SLCO3A1: variants seen among roughly 807,000 people sequenced by gnomAD.
SLCO3A1 encodes the protein solute carrier organic anion transporter family member 3A1, also known as PGE1 transporter.
Under a neutral mutation model 63.1 loss-of-function variants are expected in SLCO3A1, and 27 were observed. The ratio of observed to expected loss-of-function variants is 0.43; its 90% CI spans 0.32 to 0.59. The LOEUF (loss-of-function observed/expected upper bound fraction) is 0.59, where lower values mean the gene tolerates loss of function less well. Among genes scored for constraint, SLCO3A1 ranks in the 20% least tolerant of loss-of-function variants. The probability of loss-of-function intolerance (pLI) is 0.09; values close to 1 mark genes in which losing one functional copy is unlikely to be tolerated. For missense variants in SLCO3A1, 773 were observed against 945.8 expected (o/e 0.82, Z 2.40); for synonymous variants, 473 against 409.9 (o/e 1.15, Z -1.86).
At position 92,120,526 on chromosome 15, in the gene SLCO3A1, C is replaced by T. The variant is rs769132599; in HGVS notation, c.1071C>T (p.Ala357=). ...SNPVFTCIIL[A]ACMEIAVVAG... Reference sequence around the variant, plus strand: ...CTGTGTTCACCTGCATCATCCTGGCCGCCTGCATGGAGATTGCAGTGGTGG... The same window carrying T: ...CTGTGTTCACCTGCATCATCCTGGCTGCCTGCATGGAGATTGCAGTGGTGG... Residue 357 remains alanine, a synonymous_variant, in exon 5 of 10, where the codon GCC becomes GCT. Coordinates refer to ENST00000318445, the MANE Select transcript of SLCO3A1 (RefSeq NM_013272.4). The T allele has an allele frequency of 3.3e-5, 54 of 1,613,976 alleles. No individual in the cohort carries two copies. Among genetic ancestry groups the T allele is most frequent in the East Asian group, 1.1e-4 (5 of 44,882 alleles).
At chr15:92,142,925 C>T (rs925802782) in intron 7 of SLCO3A1, among the ~76,000 whole-genome samples, 1 of 152,060 alleles carries the variant, frequency 6.6e-6, no homozygotes, top group Non-Finnish European at 1.5e-5. Context: ...AAGACCAAGA[C>T]ACAGGCAGCA....
intron 2 of SLCO3A1, among the ~76,000 whole-genome samples, chr15:91,921,046 A>T (rs770359344): frequency 8.5e-5 from 13 of 152,216 alleles, no homozygotes; most frequent in Non-Finnish European, 1.5e-4. Context: ...GGCTGCCCTA[A>T]GCAAACACCA....
intron 2 of SLCO3A1, among the ~76,000 whole-genome samples, chr15:91,956,867 G>A (rs1900199116): frequency 1.6e-5 from 2 of 126,884 alleles, no homozygotes; most frequent in South Asian, 4.9e-4. Context: ...TCAGCTCACT[G>A]CAGCCTCCAC....
chr15:91,853,955 G>C lies in SLCO3A1; in HGVS notation c.47G>C (p.Gly16Ala). Reference protein sequence around the residue: ...PGGSSGGGRSGELQGDEAQRN... With the variant: ...PGGSSGGGRSAELQGDEAQRN... ...GGTTCGTCGGGCGGCGGCCGGAGCGGCGAGCTGCAGGGGGACGAGGCGCAG... is the reference window on the plus strand; with the variant it reads ...GGTTCGTCGGGCGGCGGCCGGAGCGCCGAGCTGCAGGGGGACGAGGCGCAG... The change falls in exon 1 of 10, where the codon GGC (glycine) becomes GCC (alanine). Residue 16 changes from glycine to alanine, a missense_variant. By Grantham distance (60) the Gly-to-Ala change is moderately conservative. This residue lies in a region of SLCO3A1 where 69 missense variants were observed against 64.6 expected (regional missense o/e 1.07). Coordinates refer to ENST00000318445, the MANE Select transcript of SLCO3A1 (RefSeq NM_013272.4). 1 of 1,480,794 alleles carries C rather than the reference G, an allele frequency of 6.8e-7. No homozygotes were observed. The highest frequency in any genetic ancestry group is 2.3e-5 in the Admixed American group (1 of 43,900). 91.7% of individuals were successfully genotyped at this position (1,480,794 alleles called of 1,614,324 possible).
rs1176972153 is a variant in SLCO3A1, at chr15:91,942,612, C to G, written c.646+26154C>G. Among the ~76,000 whole-genome samples, 6 of 152,200 alleles carry G rather than the reference C, an allele frequency of 3.9e-5. No homozygotes were observed. Among genetic ancestry groups the G allele is most frequent in the Non-Finnish European group, 4.4e-5 (3 of 68,034 alleles). On this transcript the variant is annotated intron_variant, in intron 2 of 9. Coordinates refer to ENST00000318445, the MANE Select transcript of SLCO3A1 (RefSeq NM_013272.4). This position sits in a 1 kb window ranked among gnomAD's most constrained non-coding sequence, Gnocchi z 4.1. ...TTGTTTGTTTGTTTCGAGACCGAGT[C>G]TTGCTCTGTCGACCAGGCTGGATTG...
At chr15:91,908,330 GCCC>G (rs1012656733) in intron 1 of SLCO3A1, among the ~76,000 whole-genome samples, 4 of 151,546 alleles carry the variant, frequency 2.6e-5, no homozygotes, top group Admixed American at 2.6e-4. Context: ...TTTTAAAATG[GCCC>G]CCATTTATAT....
intron 2 of SLCO3A1, among the ~76,000 whole-genome samples, chr15:92,038,867 C>T (rs1246447161): frequency 6.6e-6 from 1 of 152,138 alleles, no homozygotes; most frequent in Non-Finnish European, 1.5e-5. Flanking sequence ...TACAAGGCTA[C>T]GGTAACCAAA....
chr15:92,114,400 T>G (rs1404507270), intron 4 of SLCO3A1, among the ~76,000 whole-genome samples: 3 of 152,182 alleles, frequency 2.0e-5, no homozygotes, highest in Non-Finnish European at 2.9e-5. Context: ...GGTGCTCACA[T>G]CTAATGACAG....
At chr15:91,926,594 T>TGTGC (rs1555450175) in intron 2 of SLCO3A1, among the ~76,000 whole-genome samples, 2 of 94,180 alleles carry the variant, frequency 2.1e-5, no homozygotes, top group African/African-American at 1.0e-4. Context: ...TGTGTGTGTG[T>TGTGC]GTGCGCGCGC....
At chr15:92,095,006 T>G (rs775608978) in intron 3 of SLCO3A1, 27 bp downstream of exon 3, 1 of 1,467,858 alleles carries the variant, frequency 6.8e-7, no homozygotes, top group Admixed American at 1.7e-5. Context: ...CATGTCTACC[T>G]TCCATCCGCA....
intron 2 of SLCO3A1, among the ~76,000 whole-genome samples, chr15:92,053,597 T>G (rs571839336): frequency 6.6e-6 from 1 of 152,300 alleles, no homozygotes; most frequent in South Asian, 2.1e-4. Flanking sequence ...ACTTTTCTTC[T>G]TTCTGATGCC....
rs1195443383 is a variant in SLCO3A1 at position 91,854,951 on chromosome 15, T to G, written c.180+863T>G. Among the ~76,000 whole-genome samples the G allele has an allele frequency of 6.6e-6, 1 of 152,118 alleles. No individual in the cohort carries two copies. Among genetic ancestry groups the G allele is most frequent in the Admixed American group, 6.5e-5 (1 of 15,278 alleles). On this transcript the variant is annotated intron_variant, in intron 1 of 9. Transcript: ENST00000318445. This position sits in a 1 kb window ranked among gnomAD's most constrained non-coding sequence, Gnocchi z 6.4. Reference sequence around the variant, plus strand: ...AGGTACCTACTTTGTCGCTTTCGCCTCCTCTGCTCAGGTGGTCGCAACTTG... The same window carrying G: ...AGGTACCTACTTTGTCGCTTTCGCCGCCTCTGCTCAGGTGGTCGCAACTTG...
chr15:92,153,853 G>T (rs561693581), intron 9 of SLCO3A1, among the ~76,000 whole-genome samples: 1 of 152,148 alleles, frequency 6.6e-6, no homozygotes, highest in South Asian at 2.1e-4. Flanking sequence ...GGCCCAGACT[G>T]GGGGGAAAGG....
rs1229757658 is a variant in SLCO3A1, at chr15:91,942,668, C to T, written c.646+26210C>T. Among the ~76,000 whole-genome samples, 1 of 152,186 alleles carries T rather than the reference C, an allele frequency of 6.6e-6. No homozygotes were observed. The highest frequency in any genetic ancestry group is 1.5e-5 in the Non-Finnish European group (1 of 68,034). ...GCCCAATCTCAGCTCACTGCAACCT[C>T]CACCTCCTGGGTGAAGGTAATTCCC... On this transcript the variant is annotated intron_variant, in intron 2 of 9. Coordinates refer to ENST00000318445, the MANE Select transcript of SLCO3A1 (RefSeq NM_013272.4). This position sits in a 1 kb window ranked among gnomAD's most constrained non-coding sequence, Gnocchi z 4.1.
Position 91,900,619 on chromosome 15 carries a change from G to A in SLCO3A1, c.181-15374G>A, listed in dbSNP as rs1014577296. Among the ~76,000 whole-genome samples, 8 of 152,176 alleles carry A rather than the reference G, an allele frequency of 5.3e-5. No homozygotes were observed. The highest frequency in any genetic ancestry group is 1.7e-4 in the African/African-American group (7 of 41,436). On this transcript the variant is annotated intron_variant, in intron 1 of 9. Coordinates refer to ENST00000318445, the MANE Select transcript of SLCO3A1 (RefSeq NM_013272.4). The surrounding 1 kb of genome is among the most constrained non-coding windows in gnomAD (Gnocchi z 4.3). ...GCTGGGATTACAGGTGTGAGCCACC[G>A]TGCCTGGCCTGTTTGTATTTTTCAT...
intron 10 of SLCO3A1, chr15:92,171,696 T>C (rs1024881477): frequency 7.2e-6 from 7 of 971,060 alleles, no homozygotes; most frequent in Non-Finnish European, 1.1e-5. Context: ...ATCATGCTAT[T>C]AAATAAGCCT....
rs1001963145 is a variant in SLCO3A1 at position 91,900,258 on chromosome 15, G to A, written c.181-15735G>A. On this transcript the variant is annotated intron_variant, in intron 1 of 9. Transcript: ENST00000318445. This position sits in a 1 kb window ranked among gnomAD's most constrained non-coding sequence, Gnocchi z 4.3. ...TGGCTATAACCATTTTATCTTTTAT[G>A]TTCCCACTAGCAGTATCTGAGTGTT... is the stretch of plus-strand genomic sequence containing the variant. Among the ~76,000 whole-genome samples the A allele has an allele frequency of 6.6e-6, 1 of 152,164 alleles. No individual in the cohort carries two copies. The highest frequency in any genetic ancestry group is 1.5e-5 in the Non-Finnish European group (1 of 68,026).
At chr15:92,086,059 G>A (rs1024233473) in intron 2 of SLCO3A1, among the ~76,000 whole-genome samples, 4 of 152,138 alleles carry the variant, frequency 2.6e-5, no homozygotes, top group Non-Finnish European at 5.9e-5. Flanking sequence ...GTTTCCAGTT[G>A]GGAAATCTTA....
intron 2 of SLCO3A1, among the ~76,000 whole-genome samples, chr15:92,039,235 C>G (rs778907068): frequency 3.9e-5 from 6 of 152,148 alleles, no homozygotes; most frequent in Non-Finnish European, 7.3e-5. Flanking sequence ...CAAATGGGAT[C>G]TAATTAAACT....
Sources: gnomAD v4.1 joint callset for allele counts (sites outside exome capture counted in the v4.1 genomes callset) on GRCh38, gnomAD v4.1.1 for gene constraint, gnomAD v4.1.1 regional missense constraint, Gnocchi (gnomAD v3.1) non-coding constraint, MANE v1.5 for transcripts, NCBI Gene and HGNC (gene_info 2026-07-23, HGNC 2026-07-21) for gene names.